MACF1: variants seen among roughly 807,000 people sequenced by gnomAD.
The protein encoded by MACF1 is microtubule-actin cross-linking factor 1.
A neutral mutation model predicts 854.8 loss-of-function variants in MACF1; 193 were observed. That is an observed-to-expected ratio of 0.23 (90% CI 0.20 to 0.25). MACF1 has a LOEUF of 0.25. MACF1 is among the 10% of genes least tolerant of loss of function. The pLI, the probability that MACF1 is intolerant of heterozygous loss-of-function variation, is 1.00. For synonymous variants in MACF1, 3,185 were observed against 3,226.7 expected (o/e 0.99, Z 0.44); for missense variants, 7,722 against 8,929.1 (o/e 0.86, Z 5.45).
intron 92 of MACF1, 56 bp from the exon 93 acceptor site, chr1:39,461,827 C>A (rs901108696): frequency 8.8e-7 from 1 of 1,138,398 alleles, no homozygotes; most frequent in Non-Finnish European, 1.2e-6. Context: ...AATCTATAAC[C>A]GCCAACCGAA....
chr1:39,096,029 C>T (rs187376752), intron 2 of MACF1, among the ~76,000 whole-genome samples: 13 of 151,674 alleles, frequency 8.6e-5, no homozygotes, highest in African/African-American at 2.7e-4. Flanking sequence ...ATAATCCAGG[C>T]GTAGTGGCAC....
intron 2 of MACF1, among the ~76,000 whole-genome samples, chr1:39,160,808 G>A (rs909732941): frequency 4.6e-5 from 7 of 152,208 alleles, no homozygotes; most frequent in African/African-American, 1.7e-4. Context: ...TGTGGGTTGA[G>A]TTTCACCCAC....
intron 60 of MACF1, 64 bp from the exon 61 acceptor site, chr1:39,423,964 C>T (rs999234349): frequency 2.1e-5 from 29 of 1,374,158 alleles, no homozygotes; most frequent in Admixed American, 1.2e-4. Flanking sequence ...TGTTTTTTTT[C>T]TTTCTTCCTA....
chr1:39,481,247 A>C (rs1645006208), intron 99 of MACF1, among the ~76,000 whole-genome samples: 1 of 152,236 alleles, frequency 6.6e-6, no homozygotes, highest in Admixed American at 6.5e-5. Flanking sequence ...TAGATTAATA[A>C]CTTTATAACA....
At chr1:39,338,186 G>A (rs1443878230) in intron 38 of MACF1, among the ~76,000 whole-genome samples, 2 of 151,964 alleles carry the variant, frequency 1.3e-5, no homozygotes, top group East Asian at 3.8e-4. Flanking sequence ...TAAAACAGTA[G>A]ATTAGATATG....
intron 83 of MACF1, 116 bp downstream of exon 83, chr1:39,448,268 G>C: frequency 8.2e-7 from 1 of 1,217,484 alleles, no homozygotes; most frequent in Non-Finnish European, 1.1e-6. Flanking sequence ...ATGTTTAAAA[G>C]TCAAAATGAT....
At chr1:39,437,006 G>T (rs748557042) in intron 70 of MACF1, among the ~76,000 whole-genome samples, 11 of 152,278 alleles carry the variant, frequency 7.2e-5, no homozygotes, top group Middle Eastern at 3.4e-3. Context: ...ACTACAAGTC[G>T]TGTAGCATAT....
At chr1:39,303,467 C>T (rs930427095) in intron 23 of MACF1, among the ~76,000 whole-genome samples, 9 of 151,414 alleles carry the variant, frequency 5.9e-5, no homozygotes, top group Admixed American at 2.6e-4. Flanking sequence ...ATGAGAATTG[C>T]TTGACCAAGG....
chr1:39,144,300 C>T (rs1643414996), intron 2 of MACF1, among the ~76,000 whole-genome samples: 1 of 151,678 alleles, frequency 6.6e-6, no homozygotes, highest in Admixed American at 6.6e-5. Context: ...AGGCTGGTCC[C>T]GAACTCCTGA....
chr1:39,291,872 C>G (rs1167276108), intron 15 of MACF1, 38 bp from the exon 16 acceptor site: 19 of 1,591,988 alleles, frequency 1.2e-5, no homozygotes, highest in Non-Finnish European at 1.6e-5. Flanking sequence ...ACCAAGCCAG[C>G]AGTAAATTAT....
rs1644729626 is a variant in MACF1 at position 39,227,476 on chromosome 1, A to G, written c.110-3706A>G. 2.0e-5 allele frequency among the ~76,000 whole-genome samples: 3 copies of G among 151,514 alleles called. No homozygotes were observed. The South Asian group carries it at 6.2e-4, about 31-fold the overall frequency. ...AATAAGCATATTAAAAGTTCAGAAC[A>G]CTATATAATTATATAAGTGCTGATT... On this transcript the variant is annotated intron_variant, in intron 1 of 100. Transcript: ENST00000564288.
intron 89 of MACF1, among the ~76,000 whole-genome samples, chr1:39,455,871 A>G (rs1005409148): frequency 3.3e-5 from 5 of 152,248 alleles, no homozygotes; most frequent in African/African-American, 1.2e-4. Flanking sequence ...ATAATCATTT[A>G]TACTGAATTC....
chr1:39,432,927 C>A, intron 67 of MACF1, 121 bp from the exon 68 acceptor site: 1 of 641,810 alleles, frequency 1.6e-6, no homozygotes, highest in Non-Finnish European at 2.6e-6. Context: ...GTTGGATAGG[C>A]AAAGTGTCAA....
intron 93 of MACF1, among the ~76,000 whole-genome samples, chr1:39,463,124 A>G (rs1332822294): frequency 6.6e-6 from 1 of 152,208 alleles, no homozygotes; most frequent in Non-Finnish European, 1.5e-5. Flanking sequence ...TAGTTCACTT[A>G]GTAAGAAGAA....
At chr1:39,183,244 T>C (rs1470262665) in intron 2 of MACF1, among the ~76,000 whole-genome samples, 2 of 151,990 alleles carry the variant, frequency 1.3e-5, no homozygotes, top group Admixed American at 1.3e-4. Flanking sequence ...CTTCAGGGGG[T>C]GATGGAATGT....
chr1:39,187,068 C>G (rs1644183622), intron 2 of MACF1, among the ~76,000 whole-genome samples: 1 of 151,428 alleles, frequency 6.6e-6, no homozygotes, highest in Non-Finnish European at 1.5e-5. Flanking sequence ...TATTCTTACC[C>G]CCTTAACGTA....
Position 39,380,285 on chromosome 1 carries a change from A to C in MACF1, c.13560A>C (p.Gln4520His). ...AELEQNSPKI[Q>H]KVKEALAGLL... ...TGGAACAGAATTCTCCAAAAATTCA[A>C]AAAGTAAAGGAAGCCCTGGCTGGAT... is the stretch of plus-strand genomic sequence containing the variant. The change falls in exon 55 of 101, where the codon CAA becomes CAC. Residue 4520 changes from glutamine to histidine, a missense_variant. Transcript: ENST00000564288. The C allele has an allele frequency of 1.9e-6, 3 of 1,613,678 alleles. No homozygotes were observed. The highest frequency in any genetic ancestry group is 2.5e-6 in the Non-Finnish European group (3 of 1,179,810).
chr1:39,151,975 A>AT (rs1214775217), intron 2 of MACF1, among the ~76,000 whole-genome samples: 1 of 151,718 alleles, frequency 6.6e-6, no homozygotes, highest in Non-Finnish European at 1.5e-5. Context: ...AAATATATAT[A>AT]TTTTTTATTT....
rs746287536 is a variant in MACF1, at chr1:39,292,889, TC to T, written c.1992+52del. The T allele has an allele frequency of 1.6e-4, 234 of 1,479,070 alleles. 1 individual carries two copies. Among genetic ancestry groups the T allele is most frequent in the Non-Finnish European group, 2.0e-4 (217 of 1,075,542 alleles). 91.6% of individuals were successfully genotyped at this position (1,479,070 alleles called of 1,614,324 possible). ...TTACATTCTGCTCATAGAGTCTGGT[TC>T]CCCCCAATCAACTCTCTTCCGTAAT... is the stretch of plus-strand genomic sequence containing the variant. On this transcript the variant is annotated intron_variant, in intron 17 of 100. Transcript: ENST00000564288.
Sources: allele counts gnomAD v4.1 joint callset (sites outside exome capture counted in the v4.1 genomes callset), GRCh38; gene constraint gnomAD v4.1.1; transcripts MANE v1.5; gene names NCBI Gene and HGNC (gene_info 2026-07-23, HGNC 2026-07-21).